Variants in PIK3CD observed in about 807,000 individuals in gnomAD.
PIK3CD encodes phosphatidylinositol 4,5-bisphosphate 3-kinase catalytic subunit delta isoform.
In PIK3CD, 20 loss-of-function variants were observed where a neutral mutation model predicts 122.9. That is an observed-to-expected ratio of 0.16 (90% CI 0.11 to 0.24). The LOEUF (loss-of-function observed/expected upper bound fraction) is 0.24. Among genes scored for constraint, PIK3CD ranks in the 10% least tolerant of loss-of-function variants. PIK3CD has a pLI of 1.00. For synonymous variants in PIK3CD, 596 were observed against 593.4 expected (o/e 1.00, Z -0.06); for missense variants, 787 against 1,406.3 (o/e 0.56, Z 7.04).
At chr1:9,690,806 C>A (rs1294246673) in intron 1 of PIK3CD, among the ~76,000 whole-genome samples, 1 of 152,108 alleles carries the variant, frequency 6.6e-6, no homozygotes, top group Non-Finnish European at 1.5e-5. Flanking sequence ...GGCTCTGGGC[C>A]GAAGGCTCCC....
chr1:9,698,463 T>A (rs1646502952), intron 2 of PIK3CD, among the ~76,000 whole-genome samples: 1 of 152,220 alleles, frequency 6.6e-6, no homozygotes, highest in Non-Finnish European at 1.5e-5. Context: ...TCTAAAATGC[T>A]TTATCAACAA....
intron 2 of PIK3CD, among the ~76,000 whole-genome samples, chr1:9,705,365 C>T (rs935692500): frequency 6.7e-6 from 1 of 148,736 alleles, no homozygotes; most frequent in Non-Finnish European, 1.5e-5. Flanking sequence ...GGTGTAGTGG[C>T]ATACGCCTGT....
chr1:9,721,374 G>C, intron 14 of PIK3CD, 70 bp from the exon 15 acceptor site: 1 of 1,609,256 alleles, frequency 6.2e-7, no homozygotes, highest in African/African-American at 1.3e-5. Flanking sequence ...GCCTCCCTCT[G>C]GCTGCCGAGG....
chr1:9,718,085 C>T lies in PIK3CD; in HGVS notation c.1020+459C>T, dbSNP rs868822730. On this transcript the variant is annotated intron_variant, in intron 8 of 23. Coordinates refer to ENST00000377346, the MANE Select transcript of PIK3CD (RefSeq NM_005026.5). The surrounding 1 kb of genome is among the most constrained non-coding windows in gnomAD (Gnocchi z 7.2). The stretch of plus-strand genomic sequence containing the variant: ...CCTGTTGTCTCTTAACACTTTCACA[C>T]GCTCCATCGCAACAGCCTGCAGTCA... 4.3e-6 allele frequency: 2 copies of T among 467,538 alleles called. No individual in the cohort carries two copies. Among genetic ancestry groups the T allele is most frequent in the East Asian group, 6.6e-5 (1 of 15,136 alleles). 29.0% of individuals were successfully genotyped at this position (467,538 alleles called of 1,614,324 possible). A position where few individuals can be genotyped will look rare whatever the true frequency, so the allele number is the denominator to read the frequency against.
At chr1:9,635,010 C>T in the PIK3CD span, among the ~76,000 whole-genome samples, 1 of 152,096 alleles carries the variant, frequency 6.6e-6, no homozygotes, top group Non-Finnish European at 1.5e-5. Context: ...GGGAAATTTA[C>T]ACCAGACGAG....
At chr1:9,644,613 C>T in the PIK3CD span, among the ~76,000 whole-genome samples, 16 of 152,144 alleles carry the variant, frequency 1.1e-4, no homozygotes, top group African/African-American at 3.9e-4. Flanking sequence ...GAATCGGCTG[C>T]TGCCTTCCTC....
chr1:9,721,936 TG>T, intron 16 of PIK3CD, 38 bp from the exon 17 acceptor site: 2 of 1,612,926 alleles, frequency 1.2e-6, no homozygotes, highest in Non-Finnish European at 1.7e-6. Context: ...GGGTCGAGGC[TG>T]GGACCTGCCC....
chr1:9,666,910 G>A (rs925983369), intron 1 of PIK3CD, among the ~76,000 whole-genome samples: 67 of 149,764 alleles, frequency 4.5e-4, no homozygotes, highest in African/African-American at 1.6e-3. Flanking sequence ...CTGTTGCCCT[G>A]GCTGGAGTGC....
the PIK3CD span, among the ~76,000 whole-genome samples, chr1:9,627,600 C>A: frequency 1.3e-5 from 2 of 152,254 alleles, no homozygotes; most frequent in Non-Finnish European, 2.9e-5. Flanking sequence ...GTACTGAGTT[C>A]TCATCCAGGT....
intron 1 of PIK3CD, among the ~76,000 whole-genome samples, chr1:9,676,072 C>T (rs1415091733): frequency 6.6e-6 from 1 of 152,022 alleles, no homozygotes; most frequent in African/African-American, 2.4e-5. Context: ...GCTGGGATTG[C>T]AGGTGCCCAC....
the PIK3CD span, among the ~76,000 whole-genome samples, chr1:9,640,861 C>G: frequency 4.6e-4 from 70 of 152,292 alleles, no homozygotes; most frequent in Non-Finnish European, 1.6e-4. Flanking sequence ...TTGGGCCTCC[C>G]TGCCTCCAGC....
At position 9,724,498 on chromosome 1, in the gene PIK3CD, T is replaced by G; in HGVS notation, c.2864+77T>G. The G allele has an allele frequency of 1.3e-6, 2 of 1,536,134 alleles. No homozygotes were observed. Among genetic ancestry groups the G allele is most frequent in the Non-Finnish European group, 1.8e-6 (2 of 1,113,622 alleles). ...ACAGGGCAGAGGTTCCCAGGCAGGG[T>G]GCAGGATGGGGCTCAGGTCTCAACC... On this transcript the variant is annotated intron_variant, in intron 22 of 23. Coordinates refer to ENST00000377346, the MANE Select transcript of PIK3CD (RefSeq NM_005026.5). This position sits in a 1 kb window ranked among gnomAD's most constrained non-coding sequence, Gnocchi z 7.3.
Position 9,702,498 on chromosome 1 carries a change from T to C in PIK3CD, c.-32-7926T>C, listed in dbSNP as rs574521024. 3.9e-3 allele frequency among the ~76,000 whole-genome samples: 506 copies of C among 131,240 alleles called. 5 individuals are homozygous for C. The highest frequency in any genetic ancestry group is 0.013 in the African/African-American group (469 of 35,012). 86.1% of individuals were successfully genotyped at this position (131,240 alleles called of 152,430 possible). A position where few individuals can be genotyped will look rare whatever the true frequency, so the allele number is the denominator to read the frequency against. ...AGGTCCACTTCCAAGGAAAGAACTT[T>C]CCTTTTTTTTTTTTTTTTTTTTTTT... is the stretch of plus-strand genomic sequence containing the variant. On this transcript the variant is annotated intron_variant, in intron 2 of 23. Transcript: ENST00000377346.
At chr1:9,664,016 G>GTTTTCTTTCTTTCTTTTTCT (rs1645085027) in intron 1 of PIK3CD, among the ~76,000 whole-genome samples, 1 of 145,702 alleles carries the variant, frequency 6.9e-6, no homozygotes, top group Non-Finnish European at 1.5e-5. Context: ...TGCACCCCTC[G>GTTTTCTTTCTTTCTTTTTCT]TTTTCTTTCT....
At chr1:9,672,016 C>G (rs1645344220) in intron 1 of PIK3CD, among the ~76,000 whole-genome samples, 1 of 152,114 alleles carries the variant, frequency 6.6e-6, no homozygotes. Flanking sequence ...GCTGCGGGTT[C>G]CCAGGGGGAG....
intron 2 of PIK3CD, among the ~76,000 whole-genome samples, chr1:9,707,981 A>G (rs2100736562): frequency 6.6e-6 from 1 of 151,558 alleles, no homozygotes; most frequent in African/African-American, 2.4e-5. Context: ...TTTTTAGTAG[A>G]GAAGGGGTTT....
At position 9,724,986 on chromosome 1, in the gene PIK3CD, C is replaced by G. The variant is rs760563502; in HGVS notation, c.2997+50C>G. Reference sequence around the variant, plus strand: ...GTCGCCAGTGGACTTCCAAGGCCTGCCCCCGAGCAATGTGACCTAGGAGGG... The same window carrying G: ...GTCGCCAGTGGACTTCCAAGGCCTGGCCCCGAGCAATGTGACCTAGGAGGG... On this transcript the variant is annotated intron_variant, in intron 23 of 23. Coordinates refer to ENST00000377346, the MANE Select transcript of PIK3CD (RefSeq NM_005026.5). The surrounding 1 kb of genome is among the most constrained non-coding windows in gnomAD (Gnocchi z 7.3). 1 of 1,607,600 alleles carries G rather than the reference C, an allele frequency of 6.2e-7. No homozygotes were observed. The highest frequency in any genetic ancestry group is 1.7e-5 in the Admixed American group (1 of 59,732).
chr1:9,633,250 G>A, the PIK3CD span, among the ~76,000 whole-genome samples: 1 of 152,100 alleles, frequency 6.6e-6, no homozygotes, highest in African/African-American at 2.4e-5. Context: ...TGTCAGGCGT[G>A]GTTTCCTGGT....
chr1:9,641,122 G>A, the PIK3CD span, among the ~76,000 whole-genome samples: 2 of 152,106 alleles, frequency 1.3e-5, no homozygotes, highest in Non-Finnish European at 2.9e-5. Context: ...TCCTTACTGA[G>A]TATAAACTCC....
Sources: allele counts gnomAD v4.1 joint callset (sites outside exome capture counted in the v4.1 genomes callset), GRCh38; gene constraint gnomAD v4.1.1; non-coding constraint Gnocchi (gnomAD v3.1); transcripts MANE v1.5; gene names NCBI Gene and HGNC (gene_info 2026-07-23, HGNC 2026-07-21).